Variants in ANKRD16 observed in about 807,000 individuals in gnomAD.
ANKRD16 encodes the protein ankyrin repeat domain 16.
A neutral mutation model predicts 37.9 loss-of-function variants in ANKRD16; 35 were observed. The observed-to-expected ratio is 0.92, with a 90% CI of 0.71 to 1.23. ANKRD16 has a LOEUF of 1.23. Ranked by LOEUF, ANKRD16 falls within the 50% of genes most tolerant of loss-of-function variation. ANKRD16 has a pLI of 0.00. For missense variants in ANKRD16, 480 were observed against 469.9 expected (o/e 1.02, Z -0.20); for synonymous variants, 206 against 197.2 (o/e 1.04, Z -0.37).
chr10:5,887,992 T>C lies in ANKRD16; in HGVS notation c.390A>G (p.Pro130=), dbSNP rs749667618. 1 of 1,613,942 alleles carries C rather than the reference T, an allele frequency of 6.2e-7. No homozygotes were observed. The highest frequency in any genetic ancestry group is 8.5e-7 in the Non-Finnish European group (1 of 1,179,982). ...IQELVEHGAN[P]LLKNKDGWNS... Reference sequence around the variant, plus strand: ...TCCAGCCATCTTTGTTCTTCAGGAGTGGATTGGCGCCATGTTCCACCAGCT... The same window carrying C: ...TCCAGCCATCTTTGTTCTTCAGGAGCGGATTGGCGCCATGTTCCACCAGCT... Residue 130 remains proline (P), a synonymous_variant, in exon 2 of 8, where the codon CCA becomes CCG. Transcript: ENST00000380094.
chr10:5,862,796 C>T lies in ANKRD16; in HGVS notation c.*34-105G>A. The T allele has an allele frequency of 1.4e-6, 1 of 700,538 alleles. No individual in the cohort carries two copies. The highest frequency in any genetic ancestry group is 6.6e-5 in the East Asian group (1 of 15,084). The allele number at this position is 700,538 out of a possible 1,614,324, so 43.4% of individuals were successfully genotyped here. A position where few individuals can be genotyped will look rare whatever the true frequency, so the allele number is the denominator to read the frequency against. On this transcript the variant is annotated intron_variant, in intron 7 of 7. Transcript: ENST00000380094. This position sits in a 1 kb window ranked among gnomAD's most constrained non-coding sequence, Gnocchi z 6.5. ...CCACAGCTGGACTCAGGGCTGCTGGCTACAGGGCCTGGCTCTACATGCTGC... is the reference window on the plus strand; with the variant it reads ...CCACAGCTGGACTCAGGGCTGCTGGTTACAGGGCCTGGCTCTACATGCTGC...
intron 6 of ANKRD16, among the ~76,000 whole-genome samples, chr10:5,879,767 G>A (rs1476127080): frequency 1.5e-5 from 2 of 133,016 alleles, no homozygotes; most frequent in Non-Finnish European, 3.2e-5. Context: ...AACAGCAGTT[G>A]TAATGAGTGG....
chr10:5,883,493 A>G (rs1198333256), intron 4 of ANKRD16, among the ~76,000 whole-genome samples: 1 of 152,114 alleles, frequency 6.6e-6, no homozygotes, highest in East Asian at 1.9e-4. Flanking sequence ...ATGGGTTTTA[A>G]CATGTTGGCT....
chr10:5,877,214 G>A (rs1487012882), intron 7 of ANKRD16, among the ~76,000 whole-genome samples: 1 of 152,300 alleles, frequency 6.6e-6, no homozygotes, highest in Non-Finnish European at 1.5e-5. Context: ...CTGGGTTCAG[G>A]CAATTCTCGG....
rs1400828113 is a variant in ANKRD16 at position 5,870,401 on chromosome 10, C to G, written c.*33+7696G>C. On this transcript the variant is annotated intron_variant, in intron 7 of 7. Coordinates refer to ENST00000380094, the MANE Select transcript of ANKRD16 (RefSeq NM_019046.3). The surrounding 1 kb of genome is among the most constrained non-coding windows in gnomAD (Gnocchi z 5.0). ...CCAGCCAGTCCTCATTCCCTCCCTACTGCTTTTTTTTTTTTTTTTTGAAAC... is the reference window on the plus strand; with the variant it reads ...CCAGCCAGTCCTCATTCCCTCCCTAGTGCTTTTTTTTTTTTTTTTTGAAAC... Among the ~76,000 whole-genome samples the G allele has an allele frequency of 6.0e-5, 9 of 149,492 alleles. No homozygotes were observed. The highest frequency in any genetic ancestry group is 1.3e-4 in the Non-Finnish European group (9 of 67,762).
intron 7 of ANKRD16, among the ~76,000 whole-genome samples, chr10:5,873,415 C>G (rs1335375451): frequency 6.6e-6 from 1 of 152,116 alleles, no homozygotes; most frequent in African/African-American, 2.4e-5. Flanking sequence ...CTCAAGTGAT[C>G]TGCCCGCCTC....
rs535698901 is a variant in ANKRD16 at position 5,863,735 on chromosome 10, G to A, written c.*34-1044C>T. Among the ~76,000 whole-genome samples, 11 of 152,212 alleles carry A rather than the reference G, an allele frequency of 7.2e-5. No homozygotes were observed. The highest frequency in any genetic ancestry group is 2.1e-4 in the South Asian group (1 of 4,816). ...CATAACACTCACCGTGAGGGTCTGC[G>A]GCTTCATTCCTGAAGTCAGCAAGAC... On this transcript the variant is annotated intron_variant, in intron 7 of 7. Coordinates refer to ENST00000380094, the MANE Select transcript of ANKRD16 (RefSeq NM_019046.3). This position sits in a 1 kb window ranked among gnomAD's most constrained non-coding sequence, Gnocchi z 4.7.
At chr10:5,867,812 A>T (rs1589013295) in intron 7 of ANKRD16, among the ~76,000 whole-genome samples, 1 of 152,228 alleles carries the variant, frequency 6.6e-6, no homozygotes, top group East Asian at 1.9e-4. Context: ...CTTGCAAGAA[A>T]TAACAAAATC....
At position 5,870,188 on chromosome 10, in the gene ANKRD16, T is replaced by A. The variant is rs1022842432; in HGVS notation, c.*34-7497A>T. On this transcript the variant is annotated intron_variant, in intron 7 of 7. Coordinates refer to ENST00000380094, the MANE Select transcript of ANKRD16 (RefSeq NM_019046.3). The surrounding 1 kb of genome is among the most constrained non-coding windows in gnomAD (Gnocchi z 5.0). ...CCTCTCCACTGCTTCATTTGCAAGC[T>A]CCAGGTTCTGCCTTCCCATTCTCTC... 6.6e-6 allele frequency among the ~76,000 whole-genome samples: 1 copy of A among 152,026 alleles called. No homozygotes were observed. The highest frequency in any genetic ancestry group is 2.4e-5 in the African/African-American group (1 of 41,388).
intron 5 of ANKRD16, among the ~76,000 whole-genome samples, chr10:5,882,050 A>G (rs991937742): frequency 4.0e-4 from 60 of 151,416 alleles, no homozygotes; most frequent in African/African-American, 1.4e-3. Flanking sequence ...GGATTACAGG[A>G]GTGAGCCACT....
At chr10:5,885,621 AT>A (rs1842409855) in intron 3 of ANKRD16, 101 bp downstream of exon 3, 4 of 1,301,534 alleles carry the variant, frequency 3.1e-6, no homozygotes, top group African/African-American at 1.5e-5. Flanking sequence ...TGAAAGCCTA[AT>A]TTTTTTCTTA....
chr10:5,877,616 T>C (rs1842204180), intron 7 of ANKRD16, among the ~76,000 whole-genome samples: 1 of 152,214 alleles, frequency 6.6e-6, no homozygotes, highest in African/African-American at 2.4e-5. Flanking sequence ...AAACCAAAAG[T>C]GAACCATTGT....
At chr10:5,882,592 A>ATG (rs1842334584) in intron 5 of ANKRD16, 1 of 154,360 alleles carries the variant, frequency 6.5e-6, no homozygotes, top group Non-Finnish European at 1.4e-5. Flanking sequence ...TCCAGTGAAA[A>ATG]TGTTTGCTTA....
At chr10:5,888,622 G>A (rs1842501541) in intron 1 of ANKRD16, among the ~76,000 whole-genome samples, 1 of 152,248 alleles carries the variant, frequency 6.6e-6, no homozygotes, top group African/African-American at 2.4e-5. Context: ...ACACGAGCGC[G>A]TGTATAACTC....
rs901633610 is a variant in ANKRD16 at position 5,878,977 on chromosome 10, GC to G, written c.929-691del. ...AAATATCACCACAAATAATCACGTA[GC>G]CAAAAAAACACTTTTGAACAAGCTT... On this transcript the variant is annotated intron_variant, in intron 6 of 7. Coordinates refer to ENST00000380094, the MANE Select transcript of ANKRD16 (RefSeq NM_019046.3). The surrounding 1 kb of genome is among the most constrained non-coding windows in gnomAD (Gnocchi z 5.1). Among the ~76,000 whole-genome samples, 41 of 152,178 alleles carry G rather than the reference GC, an allele frequency of 2.7e-4. No individual in the cohort carries two copies. The highest frequency in any genetic ancestry group is 9.4e-4 in the African/African-American group (39 of 41,532).
intron 4 of ANKRD16, 71 bp from the exon 5 acceptor site, chr10:5,883,238 G>C (rs1250879143): frequency 1.3e-6 from 2 of 1,520,090 alleles, no homozygotes; most frequent in Non-Finnish European, 1.8e-6. Flanking sequence ...CTGGGCATCT[G>C]CTGGCACTTC....
At chr10:5,880,442 G>T in intron 5 of ANKRD16, 66 bp from the exon 6 acceptor site, 1 of 986,816 alleles carries the variant, frequency 1.0e-6, no homozygotes, top group Non-Finnish European at 1.5e-6. Context: ...AAACCAAAAA[G>T]TATCTGAGAC....
At chr10:5,882,623 G>A (rs936364259) in intron 5 of ANKRD16, 1 of 160,808 alleles carries the variant, frequency 6.2e-6, no homozygotes, top group African/African-American at 2.4e-5. Context: ...ACCCCAGAGA[G>A]CCTAGTAAAT....
At chr10:5,872,383 G>T (rs1295971678) in intron 7 of ANKRD16, among the ~76,000 whole-genome samples, 1 of 151,998 alleles carries the variant, frequency 6.6e-6, no homozygotes, top group Non-Finnish European at 1.5e-5. Context: ...GGAGGCTGAG[G>T]TATGAGAATT....
Sources: gnomAD v4.1 joint callset for allele counts (sites outside exome capture counted in the v4.1 genomes callset) on GRCh38, gnomAD v4.1.1 for gene constraint, Gnocchi (gnomAD v3.1) non-coding constraint, MANE v1.5 for transcripts, NCBI Gene and HGNC (gene_info 2026-07-23, HGNC 2026-07-21) for gene names.